The following MYO3B variants were observed in gnomAD, a reference collection of about 807,000 sequenced individuals.
MYO3B encodes myosin-IIIb.
A neutral mutation model predicts 174.6 loss-of-function variants in MYO3B; 156 were observed. The ratio of observed to expected loss-of-function variants is 0.89; its 90% CI spans 0.78 to 1.02. MYO3B has a LOEUF of 1.02. MYO3B is among the 50% of genes least tolerant of loss of function. The pLI, the probability that MYO3B is intolerant of heterozygous loss-of-function variation, is 0.00. For missense variants in MYO3B, 1,632 were observed against 1,639.4 expected, an observed-to-expected ratio of 1.00 and a Z score of 0.08; for synonymous variants, 563 against 569.1, an observed-to-expected ratio of 0.99 and a Z score of 0.15.
At chr2:170,586,541 G>A (rs1224666658) in intron 32 of MYO3B, among the ~76,000 whole-genome samples, 1 of 152,186 alleles carries the variant, frequency 6.6e-6, no homozygotes, top group Non-Finnish European at 1.5e-5. Flanking sequence ...CAAAAATGGT[G>A]CCTGTTATGT....
intron 25 of MYO3B, among the ~76,000 whole-genome samples, chr2:170,496,858 G>T (rs1435249459): frequency 6.6e-6 from 1 of 152,072 alleles, no homozygotes; most frequent in Non-Finnish European, 1.5e-5. Context: ...GAACTCTTGG[G>T]CTTAAGTGAT....
intron 15 of MYO3B, among the ~76,000 whole-genome samples, chr2:170,391,993 AT>A (rs550618256): frequency 0.011 from 1,651 of 149,726 alleles, 24 homozygotes; most frequent in African/African-American, 0.036. Context: ...TGTCTCTACA[AT>A]TTTTTTTTTA....
chr2:170,472,623 T>C (rs1369184931), intron 25 of MYO3B, among the ~76,000 whole-genome samples: 1 of 152,126 alleles, frequency 6.6e-6, no homozygotes, highest in Non-Finnish European at 1.5e-5. Context: ...ACCTCTTATC[T>C]GAACCTTAAC....
intron 22 of MYO3B, among the ~76,000 whole-genome samples, chr2:170,430,153 A>T (rs779881057): frequency 3.9e-5 from 6 of 152,044 alleles, no homozygotes; most frequent in Non-Finnish European, 8.8e-5. Context: ...AGGGGGTACT[A>T]GAATGAATCC....
chr2:170,388,266 G>C (rs2094390050), intron 14 of MYO3B, among the ~76,000 whole-genome samples: 2 of 152,066 alleles, frequency 1.3e-5, no homozygotes, highest in Non-Finnish European at 2.9e-5. Flanking sequence ...GAAGCAGTAG[G>C]GGAGGATCAC....
chr2:170,243,975 A>G (rs1415041175), intron 7 of MYO3B, among the ~76,000 whole-genome samples: 1 of 152,176 alleles, frequency 6.6e-6, no homozygotes, highest in Non-Finnish European at 1.5e-5. Flanking sequence ...CCTCACACAC[A>G]TACATGAATG....
chr2:170,519,361 G>A (rs755771330), intron 29 of MYO3B, 77 bp from the exon 30 acceptor site: 33 of 1,104,086 alleles, frequency 3.0e-5, no homozygotes, highest in Non-Finnish European at 4.2e-5. Flanking sequence ...AAGGGCTGCA[G>A]AGAGTGTAGA....
chr2:170,370,911 T>C lies in MYO3B; in HGVS notation c.971+1534T>C, dbSNP rs551907641. 2.5e-4 allele frequency among the ~76,000 whole-genome samples: 37 copies of C among 150,616 alleles called. No individual in the cohort carries two copies. The East Asian group carries it at 6.0e-3, about 25-fold the overall frequency. ...CTCTCTCTCTCTCTCTTTTTTTTTC[T>C]TTTTTTTTCAAAAAGAAAAAGAACA... On this transcript the variant is annotated intron_variant, in intron 9 of 34. Coordinates refer to ENST00000408978, the MANE Select transcript of MYO3B (RefSeq NM_138995.5).
At chr2:170,370,140 T>G (rs2094229928) in intron 9 of MYO3B, among the ~76,000 whole-genome samples, 1 of 152,210 alleles carries the variant, frequency 6.6e-6, no homozygotes, top group South Asian at 2.1e-4. Flanking sequence ...TAAACCTGCT[T>G]CCTATGCTCA....
intron 30 of MYO3B, among the ~76,000 whole-genome samples, chr2:170,533,084 C>A (rs989702676): frequency 2.0e-5 from 3 of 152,186 alleles, no homozygotes; most frequent in African/African-American, 7.2e-5. Flanking sequence ...CAGCCACTTT[C>A]TCTTTAGACT....
intron 32 of MYO3B, among the ~76,000 whole-genome samples, chr2:170,586,114 G>C (rs1275627326): frequency 6.6e-6 from 1 of 152,216 alleles, no homozygotes; most frequent in Non-Finnish European, 1.5e-5. Context: ...AGCACCTTTG[G>C]CGGAGTGAAT....
chr2:170,600,010 G>A (rs966839827), intron 32 of MYO3B, among the ~76,000 whole-genome samples: 2 of 152,004 alleles, frequency 1.3e-5, no homozygotes, highest in African/African-American at 4.8e-5. Flanking sequence ...CCTTCCTGGA[G>A]ATCTTGCCTT....
intron 7 of MYO3B, among the ~76,000 whole-genome samples, chr2:170,274,796 TA>T (rs1332743784): frequency 6.6e-6 from 1 of 151,944 alleles, no homozygotes; most frequent in African/African-American, 2.4e-5. Context: ...AAAGAAGCAA[TA>T]AAAAAGAAAA....
intron 28 of MYO3B, among the ~76,000 whole-genome samples, chr2:170,511,899 TAAG>T (rs1285710137): frequency 6.6e-6 from 1 of 152,166 alleles, no homozygotes. Flanking sequence ...ACATAAATTT[TAAG>T]AAAGAAATCC....
intron 32 of MYO3B, among the ~76,000 whole-genome samples, chr2:170,578,947 T>C (rs1330555642): frequency 6.6e-6 from 1 of 152,254 alleles, no homozygotes; most frequent in African/African-American, 2.4e-5. Flanking sequence ...CAAGTTATTG[T>C]ACTCAGGAAG....
At chr2:170,651,959 G>A (rs928836041) in intron 33 of MYO3B, 149 bp from the exon 34 acceptor site, 8 of 816,966 alleles carry the variant, frequency 9.8e-6, no homozygotes, top group Non-Finnish European at 1.5e-5. Flanking sequence ...TGCTTCATCA[G>A]GCTCACTTGA....
intron 32 of MYO3B, chr2:170,644,029 A>C (rs1237989499): frequency 1.3e-5 from 2 of 152,224 alleles, no homozygotes; most frequent in Non-Finnish European, 2.9e-5. Flanking sequence ...GCTGCAACTC[A>C]GCAAGTCAAA....
rs972404072 is a variant in MYO3B, at chr2:170,237,547, G to T, written c.749+1411G>T. Among the ~76,000 whole-genome samples, 7 of 150,704 alleles carry T rather than the reference G, an allele frequency of 4.6e-5. No homozygotes were observed. In the South Asian group the frequency reaches 6.3e-4, roughly 14 times the overall value. On this transcript the variant is annotated intron_variant, in intron 7 of 34. Coordinates refer to ENST00000408978, the MANE Select transcript of MYO3B (RefSeq NM_138995.5). Reference sequence around the variant, plus strand: ...TGTGTTTTTGGCGGGGGGGAGGGGGGTGTATATGTTTAAATAGACCCTTCC... The same window carrying T: ...TGTGTTTTTGGCGGGGGGGAGGGGGTTGTATATGTTTAAATAGACCCTTCC...
chr2:170,490,512 C>T (rs1021841938), intron 25 of MYO3B, among the ~76,000 whole-genome samples: 1 of 151,224 alleles, frequency 6.6e-6, no homozygotes, highest in Non-Finnish European at 1.5e-5. Flanking sequence ...TACTTACGCC[C>T]TTCAAACATG....
Sources: allele counts gnomAD v4.1 joint callset (sites outside exome capture counted in the v4.1 genomes callset), GRCh38; gene constraint gnomAD v4.1.1; transcripts MANE v1.5; gene names NCBI Gene and HGNC (gene_info 2026-07-23, HGNC 2026-07-21).